Variants in ALK observed in about 807,000 individuals in gnomAD.
ALK encodes ALK tyrosine kinase receptor.
A neutral mutation model predicts 163.1 loss-of-function variants in ALK; 74 were observed. The ratio of observed to expected loss-of-function variants is 0.45; its 90% CI spans 0.38 to 0.55. The LOEUF is 0.55. ALK is among the 20% of genes least tolerant of loss of function. The pLI is 0.00. For synonymous variants in ALK, 960 were observed against 843.2 expected, an observed-to-expected ratio of 1.14 and a Z score of -2.40; for missense variants, 2,063 against 2,105.3, an observed-to-expected ratio of 0.98 and a Z score of 0.39.
chr2:29,556,609 T>G (rs1379134751), intron 3 of ALK, among the ~76,000 whole-genome samples: 3 of 152,226 alleles, frequency 2.0e-5, no homozygotes, highest in Admixed American at 6.5e-5. Context: ...ATGAATTCAC[T>G]CTCATTTAAA....
intron 5 of ALK, among the ~76,000 whole-genome samples, chr2:29,377,655 T>C (rs1383405812): frequency 6.6e-6 from 1 of 152,156 alleles, no homozygotes; most frequent in African/African-American, 2.4e-5. Flanking sequence ...TAAGACTTTG[T>C]TTTAATTAAG....
intron 2 of ALK, among the ~76,000 whole-genome samples, chr2:29,702,467 T>C (rs1269523508): frequency 6.6e-6 from 1 of 152,164 alleles, no homozygotes; most frequent in Non-Finnish European, 1.5e-5. Flanking sequence ...AGGTGAGGAC[T>C]GAGTCAGAGG....
intron 9 of ALK, among the ~76,000 whole-genome samples, chr2:29,282,996 G>A (rs1159608981): frequency 2.0e-5 from 3 of 152,132 alleles, no homozygotes; most frequent in African/African-American, 7.2e-5. Flanking sequence ...AGTGTATGTT[G>A]AGCTCTGCTG....
At position 29,623,737 on chromosome 2, in the gene ALK, C is replaced by A. The variant is rs1034648705; in HGVS notation, c.952+71113G>T. On this transcript the variant is annotated intron_variant, in intron 3 of 28. Transcript: ENST00000389048. Reference sequence around the variant, plus strand: ...TAGAAGAAAAACAACCAAATGCTATCGCTTTTTTAAGGTTGTGAAAAGAAA... The same window carrying A: ...TAGAAGAAAAACAACCAAATGCTATAGCTTTTTTAAGGTTGTGAAAAGAAA... Among the ~76,000 whole-genome samples, 68 of 152,286 alleles carry A rather than the reference C, an allele frequency of 4.5e-4. 1 individual carries two copies. The highest frequency in any genetic ancestry group is 1.5e-3 in the African/African-American group (63 of 41,560).
At chr2:29,517,564 G>A (rs1419506905) in intron 4 of ALK, among the ~76,000 whole-genome samples, 1 of 152,070 alleles carries the variant, frequency 6.6e-6, no homozygotes, top group Non-Finnish European at 1.5e-5. Flanking sequence ...CATGAGCCCA[G>A]GTGATTGAAA....
At chr2:29,751,814 G>A (rs1358501581) in intron 1 of ALK, among the ~76,000 whole-genome samples, 2 of 152,304 alleles carry the variant, frequency 1.3e-5, no homozygotes, top group East Asian at 3.9e-4. Context: ...CCCAGCTCAA[G>A]TATTCTGTCC....
At chr2:29,845,364 G>A (rs1279917241) in intron 1 of ALK, among the ~76,000 whole-genome samples, 1 of 152,194 alleles carries the variant, frequency 6.6e-6, no homozygotes, top group African/African-American at 2.4e-5. Context: ...TCACGGTTAA[G>A]TAAGCTTGGG....
chr2:29,763,257 T>C (rs1271346867), intron 1 of ALK, among the ~76,000 whole-genome samples: 1 of 152,122 alleles, frequency 6.6e-6, no homozygotes, highest in Non-Finnish European at 1.5e-5. Context: ...AGGGTTGCTT[T>C]GAGGAGTACA....
At chr2:29,718,491 TG>T (rs1218917784) in intron 1 of ALK, among the ~76,000 whole-genome samples, 1 of 152,234 alleles carries the variant, frequency 6.6e-6, no homozygotes, top group Non-Finnish European at 1.5e-5. Flanking sequence ...AAGCCTTTTT[TG>T]TTAAAGAAGG....
chr2:29,292,750 T>C (rs1028402205), intron 9 of ALK, among the ~76,000 whole-genome samples: 5 of 152,222 alleles, frequency 3.3e-5, no homozygotes, highest in Non-Finnish European at 5.9e-5. Context: ...GGTTGTACAG[T>C]TAACATAATT....
chr2:29,216,689 G>T (rs1669618604), intron 23 of ALK, among the ~76,000 whole-genome samples: 1 of 124,238 alleles, frequency 8.0e-6, no homozygotes, highest in Non-Finnish European at 1.8e-5. Flanking sequence ...TGTATATGTG[G>T]GGTGTATGGT....
chr2:29,622,528 T>C (rs773479965), intron 3 of ALK, among the ~76,000 whole-genome samples: 1 of 152,150 alleles, frequency 6.6e-6, no homozygotes, highest in African/African-American at 2.4e-5. Context: ...CCACAACATA[T>C]GGGAATTCTG....
chr2:29,910,020 C>G (rs1667661111), intron 1 of ALK, among the ~76,000 whole-genome samples: 1 of 145,636 alleles, frequency 6.9e-6, no homozygotes, highest in Middle Eastern at 3.7e-3. Flanking sequence ...TGCAAAGAAG[C>G]AGGAAAATGT....
At chr2:29,279,708 C>G (rs574418852) in intron 9 of ALK, among the ~76,000 whole-genome samples, 1 of 152,328 alleles carries the variant, frequency 6.6e-6, no homozygotes, top group Non-Finnish European at 1.5e-5. Flanking sequence ...CTTACTGTCT[C>G]CTTGCTGGAG....
chr2:29,634,706 T>C (rs1035022657), intron 3 of ALK, among the ~76,000 whole-genome samples: 1 of 152,162 alleles, frequency 6.6e-6, no homozygotes, highest in African/African-American at 2.4e-5. Context: ...CCTTCTGAGA[T>C]TTAAAGCAAG....
Position 29,476,335 on chromosome 2 carries a change from A to G in ALK, c.1154+55580T>C, listed in dbSNP as rs555198058. ...TTTCTGGCCTGGATGATCCTACAGT[A>G]CAGTAGGGACATAAAATTACCACAA... is the stretch of plus-strand genomic sequence containing the variant. On this transcript the variant is annotated intron_variant, in intron 4 of 28. Transcript: ENST00000389048. 7.2e-5 allele frequency among the ~76,000 whole-genome samples: 11 copies of G among 152,348 alleles called. No individual in the cohort carries two copies. In the South Asian group the frequency reaches 2.3e-3, roughly 32 times the overall value.
chr2:29,756,068 T>C (rs116204536), intron 1 of ALK, among the ~76,000 whole-genome samples: 1 of 152,332 alleles, frequency 6.6e-6, no homozygotes, highest in East Asian at 1.9e-4. Context: ...CTACACACAG[T>C]GGCAAGGAGC....
At chr2:29,565,566 G>C (rs1327335729) in intron 3 of ALK, among the ~76,000 whole-genome samples, 1 of 152,144 alleles carries the variant, frequency 6.6e-6, no homozygotes, top group Non-Finnish European at 1.5e-5. Flanking sequence ...CAAACAAGAA[G>C]AGCCCTTGGG....
rs143737258 is a variant in ALK at position 29,589,115 on chromosome 2, C to T, written c.953-56999G>A. 1.1e-4 allele frequency among the ~76,000 whole-genome samples: 16 copies of T among 152,190 alleles called. No individual in the cohort carries two copies. The East Asian group carries it at 2.5e-3, about 24-fold the overall frequency. ...CTGCAGCGTTCAACCACCGAGCAAG[C>T]GATGATAGGTGAGATGTATCATAAG... On this transcript the variant is annotated intron_variant, in intron 3 of 28. Transcript: ENST00000389048.
Sources: gnomAD v4.1 joint callset for allele counts (sites outside exome capture counted in the v4.1 genomes callset) on GRCh38, gnomAD v4.1.1 for gene constraint, MANE v1.5 for transcripts, NCBI Gene and HGNC (gene_info 2026-07-23, HGNC 2026-07-21) for gene names.